BICC1: variants seen among roughly 807,000 people sequenced by gnomAD.
BICC1 encodes the protein BicC family RNA binding protein 1, also known as protein bicaudal C homolog 1.
BICC1 carries 43 observed loss-of-function variants against 111.0 expected under a neutral mutation model. That is an observed-to-expected ratio of 0.39 (90% CI 0.30 to 0.50). BICC1 has a LOEUF of 0.50. BICC1 is among the 20% of genes least tolerant of loss of function. BICC1 has a pLI of 0.88. For missense variants in BICC1, 1,091 were observed against 1,203.2 expected, an observed-to-expected ratio of 0.91 and a Z score of 1.38; for synonymous variants, 467 against 434.4, an observed-to-expected ratio of 1.07 and a Z score of -0.93.
chr10:58,575,531 A>G (rs1016321943), intron 1 of BICC1, among the ~76,000 whole-genome samples: 1 of 151,862 alleles, frequency 6.6e-6, no homozygotes, highest in African/African-American at 2.4e-5. Flanking sequence ...TAGTGTTTAA[A>G]GGTTACAGTC....
chr10:58,554,071 T>C (rs571728562), intron 1 of BICC1, among the ~76,000 whole-genome samples: 2 of 152,210 alleles, frequency 1.3e-5, no homozygotes, highest in Non-Finnish European at 2.9e-5. Flanking sequence ...TTAAATGATA[T>C]TGAAAATGAA....
intron 1 of BICC1, among the ~76,000 whole-genome samples, chr10:58,542,297 C>G (rs944736161): frequency 1.3e-5 from 2 of 151,736 alleles, no homozygotes; most frequent in African/African-American, 4.8e-5. Context: ...ACAATCTCTT[C>G]AACAGATGAT....
intron 2 of BICC1, among the ~76,000 whole-genome samples, chr10:58,634,791 A>G (rs1432715174): frequency 1.3e-5 from 2 of 152,186 alleles, no homozygotes; most frequent in African/African-American, 2.4e-5. Context: ...AAAATCATCA[A>G]ATAACATGCA....
At chr10:58,632,687 C>T (rs1477219015) in intron 2 of BICC1, among the ~76,000 whole-genome samples, 5 of 152,108 alleles carry the variant, frequency 3.3e-5, no homozygotes, top group East Asian at 3.9e-4. Context: ...AAGATGCCTT[C>T]CAGACCTGTG....
At chr10:58,819,217 T>C (rs1206213250) in intron 19 of BICC1, among the ~76,000 whole-genome samples, 1 of 152,192 alleles carries the variant, frequency 6.6e-6, no homozygotes, top group Admixed American at 6.6e-5. Context: ...ATTTACCATC[T>C]GGTCCTTTAA....
intron 20 of BICC1, among the ~76,000 whole-genome samples, chr10:58,821,020 TG>T (rs1844237682): frequency 6.6e-6 from 1 of 152,152 alleles, no homozygotes. Flanking sequence ...AAATAATGTC[TG>T]TCTCCCTAGG....
At chr10:58,548,162 T>C (rs775466785) in intron 1 of BICC1, among the ~76,000 whole-genome samples, 13 of 152,364 alleles carry the variant, frequency 8.5e-5, no homozygotes, top group Non-Finnish European at 1.8e-4. Context: ...ACCACATGGC[T>C]CATTGGAGTT....
intron 2 of BICC1, among the ~76,000 whole-genome samples, chr10:58,691,030 G>A (rs773927533): frequency 2.6e-5 from 4 of 152,114 alleles, no homozygotes; most frequent in Non-Finnish European, 4.4e-5. Context: ...CATATTTAAT[G>A]TATACAACTT....
At chr10:58,741,980 TTGG>T (rs1168284572) in intron 3 of BICC1, among the ~76,000 whole-genome samples, 4 of 152,306 alleles carry the variant, frequency 2.6e-5, no homozygotes, top group African/African-American at 9.6e-5. Flanking sequence ...TTTAAGATAC[TTGG>T]TGGAGATGCC....
chr10:58,621,503 A>G (rs1011192613), intron 2 of BICC1, among the ~76,000 whole-genome samples: 1 of 133,042 alleles, frequency 7.5e-6, no homozygotes, highest in Non-Finnish European at 1.7e-5. Flanking sequence ...AGGCTTAGCA[A>G]CAAGGGTAAG....
rs994810320 is a variant in BICC1 at position 58,758,856 on chromosome 10, A to T, written c.308-26145A>T. Among the ~76,000 whole-genome samples, 21 of 151,318 alleles carry T rather than the reference A, an allele frequency of 1.4e-4. No homozygotes were observed. The East Asian group carries it at 3.8e-3, about 28-fold the overall frequency. ...TAATAAAAACTGAGCTTTTGTTCTA[A>T]TAAGATTTTTTTTAAGCTGGCCACT... On this transcript the variant is annotated intron_variant, in intron 3 of 20. Transcript: ENST00000373886.
In BICC1 at chr10:58,803,090, T is replaced by G. The variant is rs765277812; in HGVS notation, c.2029T>G (p.Leu677Val). 67 of 1,600,202 alleles carry G rather than the reference T, an allele frequency of 4.2e-5. No individual in the cohort carries two copies. Among genetic ancestry groups the G allele is most frequent in the Non-Finnish European group, 5.5e-5 (65 of 1,173,376 alleles). Reference sequence around the variant, plus strand: ...CTTATTTCACAGCAGCACTGACAGGTTGCTCTCAGACCCTGAACTGAGTGC... The same window carrying G: ...CTTATTTCACAGCAGCACTGACAGGGTGCTCTCAGACCCTGAACTGAGTGC... ...KNSHLHSTDR[L>V]LSDPELSATE... Residue 677 changes from leucine (L) to valine (V), a missense_variant, in exon 15 of 21, where the codon TTG becomes GTG. This residue lies in a region of BICC1 where 843 missense variants were observed against 900.8 expected (regional missense o/e 0.94). Coordinates refer to ENST00000373886, the MANE Select transcript of BICC1 (RefSeq NM_001080512.3).
At chr10:58,753,083 T>G (rs1842036445) in intron 3 of BICC1, among the ~76,000 whole-genome samples, 1 of 152,210 alleles carries the variant, frequency 6.6e-6, no homozygotes, top group Admixed American at 6.5e-5. Context: ...GTATTTACAC[T>G]GCCTCTGCTG....
chr10:58,826,522 C>T (rs113444256), intron 20 of BICC1, among the ~76,000 whole-genome samples: 2,968 of 148,288 alleles, frequency 0.02, 63 homozygotes, highest in African/African-American at 0.059. Flanking sequence ...GAGGCCAAGG[C>T]GGGTGGATCA....
chr10:58,688,301 T>C (rs1215819072), intron 2 of BICC1, among the ~76,000 whole-genome samples: 1 of 152,150 alleles, frequency 6.6e-6, no homozygotes, highest in Non-Finnish European at 1.5e-5. Context: ...CTCATTGGGC[T>C]GTTTTACAGA....
intron 2 of BICC1, among the ~76,000 whole-genome samples, chr10:58,676,469 G>A (rs985998657): frequency 5.3e-5 from 8 of 152,180 alleles, no homozygotes; most frequent in South Asian, 4.1e-4. Flanking sequence ...TGAGGCTTAC[G>A]CAAAGCTTCT....
At position 58,817,725 on chromosome 10, in the gene BICC1, C is replaced by T. The variant is rs1316530290; in HGVS notation, c.2694+3C>T. On this transcript the variant is annotated splice_donor_region_variant and intron_variant, in intron 19 of 20. Coordinates refer to ENST00000373886, the MANE Select transcript of BICC1 (RefSeq NM_001080512.3). Reference sequence around the variant, plus strand: ...CAGATGTTTTCCAGCAACAAGAGGTCAGTCATTATTTATTTTCCCAAGTAT... The same window carrying T: ...CAGATGTTTTCCAGCAACAAGAGGTTAGTCATTATTTATTTTCCCAAGTAT... 1 of 1,599,338 alleles carries T rather than the reference C, an allele frequency of 6.3e-7. No homozygotes were observed. The highest frequency in any genetic ancestry group is 8.5e-7 in the Non-Finnish European group (1 of 1,173,066).
chr10:58,722,113 A>T (rs1840956916), intron 3 of BICC1, among the ~76,000 whole-genome samples: 1 of 152,196 alleles, frequency 6.6e-6, no homozygotes, highest in African/African-American at 2.4e-5. Context: ...TCAGCACTTG[A>T]TGGAGTTTAA....
intron 2 of BICC1, among the ~76,000 whole-genome samples, chr10:58,630,011 A>G (rs530858991): frequency 6.6e-6 from 1 of 152,128 alleles, no homozygotes; most frequent in East Asian, 1.9e-4. Flanking sequence ...ATTTTGCACC[A>G]CTCGACTCTG....
Sources: allele counts gnomAD v4.1 joint callset (sites outside exome capture counted in the v4.1 genomes callset), GRCh38; gene constraint gnomAD v4.1.1; regional missense constraint gnomAD v4.1.1; transcripts MANE v1.5; gene names NCBI Gene and HGNC (gene_info 2026-07-23, HGNC 2026-07-21).